Variants in CTBP2 observed in about 807,000 individuals in gnomAD.
CTBP2 encodes the protein C-terminal-binding protein 2.
A neutral mutation model predicts 80.3 loss-of-function variants in CTBP2; 30 were observed. That is an observed-to-expected ratio of 0.37 (90% CI 0.28 to 0.51). The LOEUF (loss-of-function observed/expected upper bound fraction) is 0.51, where lower values mean the gene tolerates loss of function less well. CTBP2 is among the 20% of genes least tolerant of loss of function. The pLI, the probability that CTBP2 is intolerant of heterozygous loss-of-function variation, is 0.93. For synonymous variants in CTBP2, 594 were observed against 587.4 expected (o/e 1.01, Z -0.16); for missense variants, 1,212 against 1,375.3 (o/e 0.88, Z 1.88).
Position 125,056,173 on chromosome 10 carries a change from A to AAATAAT in CTBP2, c.-101-17024_-101-17019dup, listed in dbSNP as rs747765698. On this transcript the variant is annotated intron_variant, in intron 2 of 10. Transcript: ENST00000337195. ...CAGCGAGATTGTGTCTCAAAAATAA[A>AAATAAT]AATAATAATAATAATAATAATAGTA... 4.7e-5 allele frequency among the ~76,000 whole-genome samples: 7 copies of AAATAAT among 149,376 alleles called. No homozygotes were observed. The East Asian group carries it at 9.7e-4, about 21-fold the overall frequency.
Position 125,128,526 on chromosome 10 carries a change from T to G in CTBP2, c.-205-17433A>C, listed in dbSNP as rs79757876. 5.4e-4 allele frequency among the ~76,000 whole-genome samples: 82 copies of G among 152,292 alleles called. No individual in the cohort carries two copies. In the East Asian group the frequency reaches 0.015, roughly 27 times the overall value. ...ACACAGCTACATCTTCCAGAGCATG[T>G]GAACTCCACAGCCCACGCCCAGCAG... On this transcript the variant is annotated intron_variant, in intron 1 of 10. Coordinates refer to the CTBP2 transcript ENST00000337195.
intron 1 of CTBP2, among the ~76,000 whole-genome samples, chr10:125,023,736 C>T (rs1957276874): frequency 6.6e-6 from 1 of 152,204 alleles, no homozygotes; most frequent in South Asian, 2.1e-4. Context: ...ACAAAACCCA[C>T]CAAGATAAGG....
At chr10:125,018,217 TC>T (rs1362900943) in intron 1 of CTBP2, among the ~76,000 whole-genome samples, 1 of 152,154 alleles carries the variant, frequency 6.6e-6, no homozygotes, top group Non-Finnish European at 1.5e-5. Flanking sequence ...AGATGGGGGA[TC>T]ATCCTTGTCA....
At chr10:125,111,896 A>G (rs1036277191) in intron 1 of CTBP2, among the ~76,000 whole-genome samples, 4 of 152,244 alleles carry the variant, frequency 2.6e-5, no homozygotes, top group Admixed American at 1.3e-4. Flanking sequence ...TTCCAGGAAG[A>G]AAAGATGGAA....
chr10:125,024,467 C>T (rs1316358805), intron 1 of CTBP2, among the ~76,000 whole-genome samples: 1 of 152,234 alleles, frequency 6.6e-6, no homozygotes. Flanking sequence ...ATACCCCTCA[C>T]TCCATACCCA....
In CTBP2 at chr10:125,003,425, G is replaced by A. The variant is rs202167377; in HGVS notation, c.1746C>T (p.Arg582=). 44 of 1,590,218 alleles carry A rather than the reference G, an allele frequency of 2.8e-5. 1 individual carries two copies. In the South Asian group the frequency reaches 3.4e-4, roughly 12 times the overall value. The change falls in exon 2 of 9, where the codon CGC becomes CGT. Residue 582 remains arginine, a synonymous_variant. Coordinates refer to ENST00000309035, the MANE Select transcript of CTBP2 (RefSeq NM_022802.3). ...GGATGGGCATCTCCACAGTGCAGTCGCGGCCGTCCAGCAGCGCCACCAGGG... is the reference window on the plus strand; with the variant it reads ...GGATGGGCATCTCCACAGTGCAGTCACGGCCGTCCAGCAGCGCCACCAGGG...
At chr10:125,131,525 G>A (rs1047058055) in intron 1 of CTBP2, among the ~76,000 whole-genome samples, 2 of 152,152 alleles carry the variant, frequency 1.3e-5, no homozygotes, top group Admixed American at 6.5e-5. Flanking sequence ...GGGAGACGGC[G>A]CTGCTTTCTA....
intron 2 of CTBP2, among the ~76,000 whole-genome samples, chr10:125,077,173 G>C (rs1162524929): frequency 6.6e-6 from 1 of 152,190 alleles, no homozygotes; most frequent in Non-Finnish European, 1.5e-5. Flanking sequence ...TGCGTGTCAG[G>C]CACCGCTACC....
chr10:125,159,070 C>T (rs1861460644), intron 1 of CTBP2, among the ~76,000 whole-genome samples: 1 of 151,300 alleles, frequency 6.6e-6, no homozygotes, highest in African/African-American at 2.4e-5. Context: ...TCCCGCGCGC[C>T]TCTGCCCAAC....
intron 2 of CTBP2, among the ~76,000 whole-genome samples, chr10:125,065,288 A>G (rs565295301): frequency 1.3e-5 from 2 of 152,340 alleles, no homozygotes; most frequent in South Asian, 2.1e-4. Flanking sequence ...AATGCCCCCA[A>G]CAAGAGCCTT....
intron 1 of CTBP2, among the ~76,000 whole-genome samples, chr10:125,140,900 G>C (rs1237244804): frequency 1.3e-5 from 2 of 152,006 alleles, no homozygotes; most frequent in African/African-American, 2.4e-5. Flanking sequence ...AGCACTTTGG[G>C]AGGCCGAGAC....
At chr10:125,098,342 A>T (rs1849876234) in intron 2 of CTBP2, among the ~76,000 whole-genome samples, 1 of 152,112 alleles carries the variant, frequency 6.6e-6, no homozygotes, top group Admixed American at 6.5e-5. Flanking sequence ...TTCCCTCCCT[A>T]GGCTGCTAAT....
At chr10:125,157,074 T>C (rs1861050183) in intron 1 of CTBP2, among the ~76,000 whole-genome samples, 1 of 152,228 alleles carries the variant, frequency 6.6e-6, no homozygotes, top group South Asian at 2.1e-4. Flanking sequence ...GTAGTGTTTG[T>C]TTTTAACTAG....
In CTBP2 at chr10:125,126,591, G is replaced by A. The variant is rs564458743; in HGVS notation, c.-205-15498C>T. On this transcript the variant is annotated intron_variant, in intron 1 of 10. Transcript: ENST00000337195. ...TGGCAGGGCCAGGCCCGTCAATCAG[G>A]ACAAGCCACGTACTTGTTCCTTCCC... 2.6e-5 allele frequency among the ~76,000 whole-genome samples: 4 copies of A among 152,312 alleles called. No individual in the cohort carries two copies. In the South Asian group the frequency reaches 8.3e-4, roughly 32 times the overall value.
intron 2 of CTBP2, among the ~76,000 whole-genome samples, chr10:125,080,373 G>A (rs1328043350): frequency 6.6e-6 from 1 of 152,118 alleles, no homozygotes; most frequent in African/African-American, 2.4e-5. Flanking sequence ...AGTGCACCCA[G>A]CCCAGGGCAG....
chr10:125,157,038 T>A (rs1861041516), intron 1 of CTBP2, among the ~76,000 whole-genome samples: 1 of 152,218 alleles, frequency 6.6e-6, no homozygotes, highest in Non-Finnish European at 1.5e-5. Flanking sequence ...ACCAAGTATG[T>A]CACTGGCGTG....
chr10:124,985,144 T>C lies in CTBP2; in HGVS notation c.*4374A>G. 1 of 606,022 alleles carries C rather than the reference T, an allele frequency of 1.7e-6. No individual in the cohort carries two copies. Among genetic ancestry groups the C allele is most frequent in the South Asian group, 2.2e-5 (1 of 45,884 alleles). The allele number at this position is 606,022 out of a possible 1,614,324, so 37.5% of individuals were successfully genotyped here. On this transcript the variant is annotated 3_prime_UTR_variant, in exon 9 of 9. Transcript: ENST00000309035. ...GTTTTCCTGGACCACACACACCTTA[T>C]GGAGATAATGCCTCTGCTGCGTGAG...
chr10:124,998,611 G>T, intron 3 of CTBP2: 1 of 217,074 alleles, frequency 4.6e-6, no homozygotes, highest in South Asian at 8.3e-5. Flanking sequence ...AATGGCTTTT[G>T]GTTTTAAGCT....
intron 1 of CTBP2, among the ~76,000 whole-genome samples, chr10:125,146,823 G>T (rs1165728402): frequency 2.0e-5 from 3 of 152,156 alleles, no homozygotes; most frequent in African/African-American, 7.2e-5. Flanking sequence ...GACATTTGGT[G>T]ATGCTGTACG....
Sources: gnomAD v4.1 joint callset for allele counts (sites outside exome capture counted in the v4.1 genomes callset) on GRCh38, gnomAD v4.1.1 for gene constraint, MANE v1.5 for transcripts, NCBI Gene and HGNC (gene_info 2026-07-23, HGNC 2026-07-21) for gene names.